Variants in CLEC16A observed in about 807,000 individuals in gnomAD.
CLEC16A encodes C-type lectin domain containing 16A.
A neutral mutation model predicts 109.5 loss-of-function variants in CLEC16A; 51 were observed. The ratio of observed to expected loss-of-function variants is 0.47; its 90% CI spans 0.37 to 0.59. The LOEUF (loss-of-function observed/expected upper bound fraction) is 0.59, where lower values mean the gene tolerates loss of function less well. Ranked by LOEUF, CLEC16A falls within the 20% of genes least tolerant of loss-of-function variation. The pLI, the probability that CLEC16A is intolerant of heterozygous loss-of-function variation, is 0.00. For synonymous variants in CLEC16A, 673 were observed against 564.2 expected (o/e 1.19, Z -2.73); for missense variants, 1,339 against 1,394.0 (o/e 0.96, Z 0.63).
intron 13 of CLEC16A, among the ~76,000 whole-genome samples, chr16:11,031,941 G>A (rs150135534): frequency 2.6e-5 from 4 of 152,316 alleles, no homozygotes; most frequent in East Asian, 3.9e-4. Flanking sequence ...AGCACCGGCC[G>A]TGTGCCAGGC....
intron 19 of CLEC16A, among the ~76,000 whole-genome samples, chr16:11,111,838 AATG>A (rs1223168400): frequency 1.3e-5 from 2 of 152,266 alleles, no homozygotes; most frequent in Non-Finnish European, 2.9e-5. Context: ...CATTCATGGT[AATG>A]ATATGAAGTT....
chr16:11,062,390 G>A (rs1170709834), intron 19 of CLEC16A, among the ~76,000 whole-genome samples: 2 of 152,188 alleles, frequency 1.3e-5, no homozygotes, highest in African/African-American at 4.8e-5. Context: ...TTGTGATCTA[G>A]ACCCTGCTTT....
chr16:11,113,527 T>C (rs2051745617), intron 19 of CLEC16A, among the ~76,000 whole-genome samples: 1 of 151,872 alleles, frequency 6.6e-6, no homozygotes, highest in African/African-American at 2.4e-5. Context: ...GCATGGATGG[T>C]GCATGCCTTT....
intron 11 of CLEC16A, among the ~76,000 whole-genome samples, chr16:11,011,674 C>G (rs898083074): frequency 6.6e-6 from 1 of 152,124 alleles, no homozygotes; most frequent in African/African-American, 2.4e-5. Context: ...CAGTTTGGCC[C>G]TTTCAGTGGA....
In CLEC16A at chr16:11,164,002, G is replaced by A. The variant is rs138543254; in HGVS notation, c.2642-2386G>A. On this transcript the variant is annotated intron_variant, in intron 22 of 23. Coordinates refer to ENST00000409790, the MANE Select transcript of CLEC16A (RefSeq NM_015226.3). ...TATAAAACTGGTTCCATGAGGCTGCGGCTGAGTGTCCCCAAGGAATCTTCC... is the reference window on the plus strand; with the variant it reads ...TATAAAACTGGTTCCATGAGGCTGCAGCTGAGTGTCCCCAAGGAATCTTCC... Among the ~76,000 whole-genome samples the A allele has an allele frequency of 2.4e-3, 360 of 152,268 alleles. 1 individual carries two copies. The highest frequency in any genetic ancestry group is 8.2e-3 in the African/African-American group (340 of 41,550).
At chr16:10,984,734 G>A (rs1335357724) in intron 10 of CLEC16A, among the ~76,000 whole-genome samples, 3 of 152,162 alleles carry the variant, frequency 2.0e-5, no homozygotes, top group Non-Finnish European at 2.9e-5. Context: ...TTAAACTAGC[G>A]TTTGCTAAAT....
rs151187483 is a variant in CLEC16A at position 11,103,646 on chromosome 16, G to A, written c.2117-16969G>A. Among the ~76,000 whole-genome samples, 840 of 152,302 alleles carry A rather than the reference G, an allele frequency of 5.5e-3. 13 individuals carry two copies. The highest frequency in any genetic ancestry group is 0.019 in the African/African-American group (799 of 41,564). ...TGACCCTTGGGCTGTGTCATGGCCT[G>A]TCTTCCAGCAGTCTACATCCTCCTG... is the stretch of plus-strand genomic sequence containing the variant. On this transcript the variant is annotated intron_variant, in intron 19 of 23. Coordinates refer to ENST00000409790, the MANE Select transcript of CLEC16A (RefSeq NM_015226.3).
At chr16:11,101,585 G>A (rs1203537631) in intron 19 of CLEC16A, among the ~76,000 whole-genome samples, 1 of 152,192 alleles carries the variant, frequency 6.6e-6, no homozygotes, top group Non-Finnish European at 1.5e-5. Context: ...GGATGTCCAA[G>A]GTAGGCATCC....
chr16:11,096,652 C>T (rs1003297210), intron 19 of CLEC16A, among the ~76,000 whole-genome samples: 5 of 152,162 alleles, frequency 3.3e-5, no homozygotes, highest in African/African-American at 7.2e-5. Flanking sequence ...GCACGCTGTT[C>T]GATAACCTTA....
intron 10 of CLEC16A, among the ~76,000 whole-genome samples, chr16:10,991,305 A>T (rs2043991112): frequency 6.6e-6 from 1 of 151,184 alleles, no homozygotes; most frequent in Non-Finnish European, 1.5e-5. Flanking sequence ...TCATGTTGGT[A>T]TCTGGAGGAA....
chr16:10,957,185 C>T (rs2042029649), intron 1 of CLEC16A, among the ~76,000 whole-genome samples: 1 of 152,220 alleles, frequency 6.6e-6, no homozygotes. Context: ...TCATTTGAGC[C>T]ATAAGTTCTG....
chr16:11,091,488 G>A (rs2050301589), intron 19 of CLEC16A, among the ~76,000 whole-genome samples: 1 of 152,178 alleles, frequency 6.6e-6, no homozygotes. Flanking sequence ...CACCTACTGA[G>A]TCTCAGGCCT....
At chr16:11,057,219 C>G (rs1309548150) in intron 18 of CLEC16A, among the ~76,000 whole-genome samples, 1 of 152,244 alleles carries the variant, frequency 6.6e-6, no homozygotes, top group Non-Finnish European at 1.5e-5. Context: ...GAATGACTGA[C>G]TTTCACAGCT....
At chr16:11,069,999 A>G (rs1251960886) in intron 19 of CLEC16A, among the ~76,000 whole-genome samples, 2 of 151,996 alleles carry the variant, frequency 1.3e-5, no homozygotes, top group East Asian at 3.9e-4. Flanking sequence ...CCCCATGGAT[A>G]TGGAGGGACG....
At chr16:11,007,878 G>A (rs1401701590) in intron 11 of CLEC16A, among the ~76,000 whole-genome samples, 1 of 152,190 alleles carries the variant, frequency 6.6e-6, no homozygotes, top group East Asian at 1.9e-4. Context: ...CGCTGCAGTA[G>A]AGAGATGTTG....
intron 19 of CLEC16A, among the ~76,000 whole-genome samples, chr16:11,116,551 A>G (rs1403017529): frequency 6.6e-6 from 1 of 152,210 alleles, no homozygotes; most frequent in East Asian, 1.9e-4. Context: ...ACTGGGTGAC[A>G]TCCACATGAA....
intron 18 of CLEC16A, among the ~76,000 whole-genome samples, chr16:11,058,641 T>G (rs1002186734): frequency 6.6e-6 from 1 of 152,294 alleles, no homozygotes; most frequent in African/African-American, 2.4e-5. Context: ...TGATGATGAT[T>G]GTTATTATCC....
chr16:10,999,724 A>C (rs2044550066), intron 10 of CLEC16A, among the ~76,000 whole-genome samples: 1 of 152,200 alleles, frequency 6.6e-6, no homozygotes, highest in Non-Finnish European at 1.5e-5. Context: ...AAGTTTTAAA[A>C]TTCATTCTTG....
At chr16:10,972,693 T>A in intron 6 of CLEC16A, 134 bp downstream of exon 6, 2 of 885,506 alleles carry the variant, frequency 2.3e-6, no homozygotes, top group Non-Finnish European at 1.8e-6. Flanking sequence ...CATGCACCAT[T>A]AATGTTTAGC....
Sources: allele counts gnomAD v4.1 joint callset (sites outside exome capture counted in the v4.1 genomes callset), GRCh38; gene constraint gnomAD v4.1.1; transcripts MANE v1.5; gene names NCBI Gene and HGNC (gene_info 2026-07-23, HGNC 2026-07-21).